IQCK: variants seen among roughly 807,000 people sequenced by gnomAD.
IQCK encodes IQ motif containing K.
Under a neutral mutation model 28.1 loss-of-function variants are expected in IQCK, and 29 were observed. That is an observed-to-expected ratio of 1.03 (90% CI 0.77 to 1.41). IQCK has a LOEUF of 1.41. Ranked by LOEUF, IQCK falls within the 40% of genes most tolerant of loss-of-function variation. The pLI is 0.00. For missense variants in IQCK, 359 were observed against 314.7 expected (o/e 1.14, Z -1.07); for synonymous variants, 113 against 115.1 (o/e 0.98, Z 0.12).
At position 19,733,583 on chromosome 16, in the gene IQCK, C is replaced by T. The variant is rs1567535157; in HGVS notation, c.247-115C>T. ...AGACAAAGATCTGTGCTCAGCGTAC[C>T]CCCTTGAACCTTAAAGTCTGATGCA... On this transcript the variant is annotated intron_variant, in intron 2 of 7. Transcript: ENST00000564186. The T allele has an allele frequency of 3.4e-6, 4 of 1,162,560 alleles. No homozygotes were observed. In the Admixed American group the frequency reaches 8.4e-5, roughly 25 times the overall value. 72.0% of individuals were successfully genotyped at this position (1,162,560 alleles called of 1,614,324 possible).
intron 4 of IQCK, among the ~76,000 whole-genome samples, chr16:19,753,066 G>A (rs557784216): frequency 6.6e-6 from 1 of 152,162 alleles, no homozygotes; most frequent in South Asian, 2.1e-4. Context: ...GAGAGAGAGA[G>A]AGAGAGAGTC....
chr16:19,806,153 C>T (rs1432644791), intron 7 of IQCK, among the ~76,000 whole-genome samples: 2 of 152,102 alleles, frequency 1.3e-5, no homozygotes, highest in Admixed American at 1.3e-4. Context: ...GAAGGAAAAG[C>T]ACATGCAAAG....
chr16:19,804,090 C>A (rs1286830818), intron 7 of IQCK, among the ~76,000 whole-genome samples: 2 of 152,132 alleles, frequency 1.3e-5, no homozygotes, highest in Non-Finnish European at 2.9e-5. Context: ...GCGGCTCACG[C>A]CTGTAATCCC....
In IQCK at chr16:19,799,079, A is replaced by G. The variant is rs961809726; in HGVS notation, c.690+10157A>G. ...TATAAGCTTTTTAAAAATATATACT[A>G]TTCATCCTTCTAGAATTTTTTCTAT... is the stretch of plus-strand genomic sequence containing the variant. On this transcript the variant is annotated intron_variant, in intron 7 of 7. Transcript: ENST00000564186. Among the ~76,000 whole-genome samples, 5 of 89,286 alleles carry G rather than the reference A, an allele frequency of 5.6e-5. 1 individual carries two copies. The highest frequency in any genetic ancestry group is 2.3e-4 in the African/African-American group (2 of 8,646). The allele number at this position is 89,286 out of a possible 152,430, so 58.6% of individuals were successfully genotyped here.
chr16:19,835,572 TTTTTC>T (rs1420106661), intron 9 of IQCK, among the ~76,000 whole-genome samples: 17 of 150,894 alleles, frequency 1.1e-4, no homozygotes, highest in Admixed American at 1.0e-3. Flanking sequence ...GAAGTATTTC[TTTTTC>T]TTTTCTTTTC....
intron 9 of IQCK, among the ~76,000 whole-genome samples, chr16:19,847,775 T>G (rs189910132): frequency 9.1e-4 from 138 of 152,330 alleles, no homozygotes; most frequent in African/African-American, 3.2e-3. Flanking sequence ...CCTTTGGCTA[T>G]TATGAAAAAT....
At chr16:19,823,817 C>T (rs2056107023) in intron 7 of IQCK, among the ~76,000 whole-genome samples, 1 of 152,154 alleles carries the variant, frequency 6.6e-6, no homozygotes. Flanking sequence ...CCTGTAATCC[C>T]AGCTACTCGT....
At chr16:19,775,866 C>CTTGTTT (rs2055385798) in intron 6 of IQCK, among the ~76,000 whole-genome samples, 1 of 37,700 alleles carries the variant, frequency 2.7e-5, no homozygotes, top group Non-Finnish European at 4.4e-5. Flanking sequence ...TGGGCACAGG[C>CTTGTTT]TTTTTTTTTT....
chr16:19,858,381 T>TA (rs1215357672), exon 10 of IQCK: 5 of 495,068 alleles, frequency 1.0e-5, no homozygotes, highest in African/African-American at 2.0e-5. Context: ...GCTCTGTTCT[T>TA]ATGCTGGGGA....
chr16:19,729,793 C>T (rs1977772232), intron 1 of IQCK, among the ~76,000 whole-genome samples: 1 of 148,620 alleles, frequency 6.7e-6, no homozygotes, highest in Admixed American at 6.7e-5. Flanking sequence ...TACAGGCACC[C>T]ACCACCATGC....
intron 2 of IQCK, among the ~76,000 whole-genome samples, chr16:19,732,972 A>G (rs948494229): frequency 6.6e-6 from 1 of 152,106 alleles, no homozygotes; most frequent in East Asian, 1.9e-4. Context: ...GCCCAGCCGG[A>G]TTTCCACCCA....
chr16:19,847,972 G>A (rs934693729), intron 9 of IQCK, among the ~76,000 whole-genome samples: 1 of 152,138 alleles, frequency 6.6e-6, no homozygotes, highest in East Asian at 1.9e-4. Flanking sequence ...CTGGCCCAAT[G>A]CTGCTGCTTT....
chr16:19,830,799 T>C (rs1316470156), downstream of IQCK, among the ~76,000 whole-genome samples: 1 of 152,200 alleles, frequency 6.6e-6, no homozygotes, highest in African/African-American at 2.4e-5. Context: ...GGACTAGTAA[T>C]AATAGTGTCT....
chr16:19,831,060 A>G (rs1047918640), downstream of IQCK, among the ~76,000 whole-genome samples: 10 of 152,212 alleles, frequency 6.6e-5, no homozygotes, highest in Non-Finnish European at 8.8e-5. Flanking sequence ...TTCATTTTAC[A>G]TATGAAGAAA....
At chr16:19,743,304 A>G (rs2054863095) in intron 4 of IQCK, among the ~76,000 whole-genome samples, 1 of 152,236 alleles carries the variant, frequency 6.6e-6, no homozygotes, top group Admixed American at 6.5e-5. Flanking sequence ...TTTATTAACT[A>G]TACCTGCAGT....
At chr16:19,827,795 G>T (rs1023975761), downstream of IQCK, among the ~76,000 whole-genome samples, 1 of 150,888 alleles carries the variant, frequency 6.6e-6, no homozygotes. Context: ...CTCCTGGCTC[G>T]CAGGCCTTCA....
chr16:19,760,119 G>A (rs559881002), intron 4 of IQCK, among the ~76,000 whole-genome samples: 21 of 152,238 alleles, frequency 1.4e-4, no homozygotes, highest in Admixed American at 7.9e-4. Flanking sequence ...GAGAGACTCT[G>A]TCTCTAAAAT....
chr16:19,724,954 G>A (rs2151674094), intron 1 of IQCK, among the ~76,000 whole-genome samples: 1 of 152,296 alleles, frequency 6.6e-6, no homozygotes, highest in African/African-American at 2.4e-5. Context: ...CAGAAGTTGA[G>A]GGGAGAGGGT....
At chr16:19,773,006 AAAT>A (rs2055339184) in intron 6 of IQCK, among the ~76,000 whole-genome samples, 2 of 152,074 alleles carry the variant, frequency 1.3e-5, no homozygotes, top group Non-Finnish European at 2.9e-5. Context: ...CTGTCTCAAA[AAAT>A]AATAATAATT....
Sources: gnomAD v4.1 joint callset for allele counts (sites outside exome capture counted in the v4.1 genomes callset) on GRCh38, gnomAD v4.1.1 for gene constraint, MANE v1.5 for transcripts, NCBI Gene and HGNC (gene_info 2026-07-23, HGNC 2026-07-21) for gene names.